The following RUNX1T1 variants were observed in gnomAD, a reference collection of about 807,000 sequenced individuals.
RUNX1T1 encodes the protein protein CBFA2T1.
Under a neutral mutation model 62.8 loss-of-function variants are expected in RUNX1T1, and 4 were observed. The ratio of observed to expected loss-of-function variants is 0.06; its 90% CI spans 0.03 to 0.15. The LOEUF is 0.15. Among genes scored for constraint, RUNX1T1 ranks in the 10% least tolerant of loss-of-function variants. The pLI is 1.00. For missense variants in RUNX1T1, 508 were observed against 754.3 expected, an observed-to-expected ratio of 0.67 and a Z score of 3.82; for synonymous variants, 291 against 286.0, an observed-to-expected ratio of 1.02 and a Z score of -0.18.
chr8:92,065,251 A>G (rs970688727), upstream of RUNX1T1, among the ~76,000 whole-genome samples: 4 of 152,250 alleles, frequency 2.6e-5, no homozygotes, highest in African/African-American at 9.6e-5. Context: ...ATAAAAATAG[A>G]CAATCAATAA....
At chr8:92,040,672 AT>A (rs1828274122) in intron 1 of RUNX1T1, among the ~76,000 whole-genome samples, 1 of 152,176 alleles carries the variant, frequency 6.6e-6, no homozygotes, top group African/African-American at 2.4e-5. Context: ...TACAACTCAC[AT>A]CTTATTGTAA....
chr8:91,991,037 C>T (rs1387754220), intron 6 of RUNX1T1, among the ~76,000 whole-genome samples: 1 of 152,186 alleles, frequency 6.6e-6, no homozygotes, highest in Non-Finnish European at 1.5e-5. Context: ...CCCAAATTCA[C>T]TTCTTCTTCA....
At chr8:92,063,021 G>C, upstream of RUNX1T1, 2 of 1,053,420 alleles carry the variant, frequency 1.9e-6, no homozygotes, top group Non-Finnish European at 2.3e-6. Context: ...TAGAAATGTA[G>C]ACCTGGCCCC....
upstream of RUNX1T1, among the ~76,000 whole-genome samples, chr8:92,063,240 G>C (rs572019125): frequency 6.6e-6 from 1 of 152,262 alleles, no homozygotes; most frequent in East Asian, 1.9e-4. Flanking sequence ...CCTTTTGTCA[G>C]CTTCTCAGTA....
chr8:91,955,025 T>C (rs2130306288), downstream of RUNX1T1: 1 of 203,174 alleles, frequency 4.9e-6, no homozygotes, highest in East Asian at 7.6e-5. Context: ...TAGACACCCA[T>C]ACAGAACAGC....
chr8:91,987,059 C>T (rs1319946158), intron 6 of RUNX1T1, 87 bp from the exon 8 acceptor site: 4 of 841,066 alleles, frequency 4.8e-6, no homozygotes, highest in Middle Eastern at 2.2e-4. Context: ...ACTATGTGGG[C>T]AAACTCGATG....
chr8:92,083,649 TG>T (rs1563924890), intron 1 of RUNX1T1, among the ~76,000 whole-genome samples: 1 of 152,160 alleles, frequency 6.6e-6, no homozygotes. Context: ...ACACTGTTGG[TG>T]GGGGTATAAA....
At chr8:91,956,755 CTT>C (rs1809447432), downstream of RUNX1T1, 1 of 220,752 alleles carries the variant, frequency 4.5e-6, no homozygotes, top group African/African-American at 2.2e-5. Flanking sequence ...TGCACAACAA[CTT>C]TAATTTTTCA....
intron 1 of RUNX1T1, among the ~76,000 whole-genome samples, chr8:92,025,497 C>T (rs187014756): frequency 2.0e-4 from 30 of 152,270 alleles, no homozygotes; most frequent in African/African-American, 5.1e-4. Flanking sequence ...ACCCCATCAC[C>T]GCCTAATTAA....
chr8:91,966,412 T>C (rs957937995), intron 10 of RUNX1T1, among the ~76,000 whole-genome samples: 4 of 152,080 alleles, frequency 2.6e-5, no homozygotes, highest in African/African-American at 9.7e-5. Flanking sequence ...AAGGCTGTTT[T>C]AATCTGGGGG....
chr8:92,054,968 G>A (rs1830805160), intron 1 of RUNX1T1, among the ~76,000 whole-genome samples: 1 of 152,096 alleles, frequency 6.6e-6, no homozygotes, highest in African/African-American at 2.4e-5. Context: ...TTGCGCCACT[G>A]CACTCCAGCC....
intron 6 of RUNX1T1, among the ~76,000 whole-genome samples, chr8:91,990,236 C>T (rs908546387): frequency 3.3e-5 from 5 of 152,220 alleles, no homozygotes; most frequent in African/African-American, 1.2e-4. Context: ...GAATATCTGG[C>T]TGGCTGCATT....
Position 91,998,517 on chromosome 8 carries a change from C to T in RUNX1T1, c.659+6599G>A, listed in dbSNP as rs149992806. Among the ~76,000 whole-genome samples, 86 of 152,234 alleles carry T rather than the reference C, an allele frequency of 5.6e-4. 1 individual carries two copies. The highest frequency in any genetic ancestry group is 1.8e-3 in the African/African-American group (75 of 41,542). ...GAAGTAAGTAAGAGGCAGATGGATA[C>T]GTGCCACTCCAGACACACAAACGTG... On this transcript the variant is annotated intron_variant, in intron 5 of 10. Transcript: ENST00000396218.
At chr8:91,992,071 C>T (rs1480135474) in intron 5 of RUNX1T1, among the ~76,000 whole-genome samples, 182 bp from the exon 7 acceptor site, 1 of 152,164 alleles carries the variant, frequency 6.6e-6, no homozygotes, top group Non-Finnish European at 1.5e-5. Flanking sequence ...CCTAAATGAT[C>T]ACAAGCCTGC....
At chr8:92,026,886 G>C (rs1432700799) in intron 1 of RUNX1T1, among the ~76,000 whole-genome samples, 1 of 151,310 alleles carries the variant, frequency 6.6e-6, no homozygotes, top group Non-Finnish European at 1.5e-5. Context: ...GGGAGGCCGA[G>C]ACGGGCGGAT....
At chr8:91,987,000 C>A (rs1429684051) in intron 6 of RUNX1T1, 28 bp from the exon 8 acceptor site, 2 of 1,443,966 alleles carry the variant, frequency 1.4e-6, no homozygotes, top group Non-Finnish European at 1.9e-6. Flanking sequence ...GCTGAATAAC[C>A]CTAAAGCATT....
intron 1 of RUNX1T1, among the ~76,000 whole-genome samples, chr8:92,043,316 T>G (rs1828792519): frequency 6.6e-6 from 1 of 152,274 alleles, no homozygotes; most frequent in South Asian, 2.1e-4. Flanking sequence ...CCAAATTAAG[T>G]TTGTGAAATC....
intron 1 of RUNX1T1, among the ~76,000 whole-genome samples, chr8:92,045,685 A>C (rs1453849181): frequency 1.3e-5 from 2 of 152,072 alleles, no homozygotes; most frequent in African/African-American, 4.8e-5. Context: ...ATCAGTCTCC[A>C]CTTTTCTGCC....
At chr8:92,045,102 T>C (rs1270656788) in intron 1 of RUNX1T1, among the ~76,000 whole-genome samples, 2 of 150,954 alleles carry the variant, frequency 1.3e-5, no homozygotes, top group Admixed American at 1.3e-4. Context: ...ATATATATTA[T>C]ACATATATTT....
Sources: allele counts gnomAD v4.1 joint callset (sites outside exome capture counted in the v4.1 genomes callset), GRCh38; gene constraint gnomAD v4.1.1; transcripts MANE v1.5; gene names NCBI Gene and HGNC (gene_info 2026-07-23, HGNC 2026-07-21).